PHF24: variants seen among roughly 807,000 people sequenced by gnomAD.
PHF24 encodes Galpha inhibitory interacting protein.
Under a neutral mutation model 42.6 loss-of-function variants are expected in PHF24, and 25 were observed. That is an observed-to-expected ratio of 0.59 (90% CI 0.43 to 0.82). The LOEUF (loss-of-function observed/expected upper bound fraction) is 0.82, where lower values mean the gene tolerates loss of function less well. Among genes scored for constraint, PHF24 ranks in the 40% least tolerant of loss-of-function variants. PHF24 has a pLI of 0.00. For synonymous variants in PHF24, 185 were observed against 204.8 expected (o/e 0.90, Z 0.83); for missense variants, 470 against 538.1 (o/e 0.87, Z 1.25).
At chr9:34,708,052 C>G in the PHF24 span, among the ~76,000 whole-genome samples, 2 of 152,102 alleles carry the variant, frequency 1.3e-5, no homozygotes, top group Admixed American at 1.3e-4. Context: ...CCTTTCTTGC[C>G]CTTCCCCAGG....
Position 34,966,913 on chromosome 9 carries a change from A to AT in PHF24, c.-4-4373dup, listed in dbSNP as rs1021524246. Among the ~76,000 whole-genome samples the AT allele has an allele frequency of 2.2e-3, 332 of 150,862 alleles. 2 individuals carry two copies. The highest frequency in any genetic ancestry group is 6.7e-3 in the African/African-American group (276 of 41,138). On this transcript the variant is annotated intron_variant, in intron 1 of 7. Coordinates refer to ENST00000242315, the Ensembl canonical transcript of PHF24. ...TGTAAAAAGAATGCTCCAATCAATC[A>AT]TTTTTTTTTAATGTGATGAGGTATT...
At chr9:34,814,425 A>G in the PHF24 span, among the ~76,000 whole-genome samples, 1 of 152,200 alleles carries the variant, frequency 6.6e-6, no homozygotes, top group Admixed American at 6.5e-5. Context: ...GGTTAAGGTA[A>G]TGTCTACTCA....
the PHF24 span, among the ~76,000 whole-genome samples, chr9:34,692,908 T>G: frequency 1.3e-5 from 2 of 149,072 alleles, no homozygotes; most frequent in Non-Finnish European, 3.0e-5. Flanking sequence ...TGCCTCAGCC[T>G]CCTGAGTAGC....
intron 1 of PHF24, among the ~76,000 whole-genome samples, chr9:34,960,500 G>T (rs1161920362): frequency 2.0e-5 from 3 of 152,248 alleles, no homozygotes; most frequent in East Asian, 3.9e-4. Flanking sequence ...CCCCCTTTCA[G>T]TTCAAACCCA....
chr9:34,834,053 G>A, the PHF24 span: 5 of 1,548,832 alleles, frequency 3.2e-6, no homozygotes, highest in Non-Finnish European at 3.5e-6. Flanking sequence ...ACCTGGTAAG[G>A]CCTGTTGCTG....
chr9:34,834,832 G>C, the PHF24 span: 1 of 1,537,448 alleles, frequency 6.5e-7, no homozygotes, highest in Non-Finnish European at 8.7e-7. Flanking sequence ...GTGGGGAAGA[G>C]GGTGGGGCTG....
At chr9:34,958,255 G>GCCGCCGCCGCCGCCGCCGCCGCCGCCT (rs772771562), upstream of PHF24, 3 of 152,808 alleles carry the variant, frequency 2.0e-5, no homozygotes, top group Admixed American at 1.4e-4. The surrounding 1 kb of genome is among the most constrained non-coding windows in gnomAD (Gnocchi z 4.5). Flanking sequence ...CGCCGCCGCC[G>GCCGCCGCCGCCGCCGCCGCCGCCGCCT]CCTCCTCAGC....
the PHF24 span, among the ~76,000 whole-genome samples, chr9:34,907,711 C>T: frequency 6.6e-6 from 1 of 152,176 alleles, no homozygotes; most frequent in African/African-American, 2.4e-5. Flanking sequence ...TCCAGTCTTT[C>T]ATCCAATTTA....
the PHF24 span, among the ~76,000 whole-genome samples, chr9:34,801,030 A>T: frequency 6.6e-6 from 1 of 152,262 alleles, no homozygotes; most frequent in Non-Finnish European, 1.5e-5. Flanking sequence ...TCAAAAGAAG[A>T]CATTTATGCA....
At chr9:34,833,247 G>A in the PHF24 span, 12 of 1,550,234 alleles carry the variant, frequency 7.7e-6, no homozygotes, top group Non-Finnish European at 1.0e-5. Flanking sequence ...TCCAGGCTGG[G>A]GTTGTTCACA....
rs572064295 is a variant in PHF24, at chr9:34,967,391, C to T, written c.-4-3904C>T. ...ATGTAGTAAAAGTATGATTGTTCCA[C>T]AAAATTTTGACTTCAGTTGCAGATC... On this transcript the variant is annotated intron_variant, in intron 1 of 7. Transcript: ENST00000242315. Among the ~76,000 whole-genome samples the T allele has an allele frequency of 1.2e-4, 19 of 152,226 alleles. No homozygotes were observed. In the East Asian group the frequency reaches 3.7e-3, roughly 29 times the overall value.
the PHF24 span, among the ~76,000 whole-genome samples, chr9:34,872,504 A>G: frequency 4.0e-5 from 6 of 150,394 alleles, no homozygotes; most frequent in Admixed American, 6.6e-5. Context: ...ATGATTCCCA[A>G]TTTCACCCAT....
the PHF24 span, among the ~76,000 whole-genome samples, chr9:34,930,131 G>A: frequency 6.6e-6 from 1 of 152,166 alleles, no homozygotes; most frequent in Non-Finnish European, 1.5e-5. Flanking sequence ...TCCCTAAAAT[G>A]TCTGGGGCTT....
chr9:34,775,376 G>C, the PHF24 span, among the ~76,000 whole-genome samples: 1 of 152,120 alleles, frequency 6.6e-6, no homozygotes, highest in African/African-American at 2.4e-5. Flanking sequence ...TGTTAGCAGG[G>C]ACTGGAAAAA....
chr9:34,686,866 T>C, the PHF24 span, among the ~76,000 whole-genome samples: 1 of 151,994 alleles, frequency 6.6e-6, no homozygotes, highest in African/African-American at 2.4e-5. Context: ...TCTGGATAAA[T>C]GAAAATGCAA....
intron 1 of PHF24, among the ~76,000 whole-genome samples, chr9:34,965,864 C>T (rs1221315139): frequency 6.6e-6 from 1 of 152,158 alleles, no homozygotes; most frequent in Non-Finnish European, 1.5e-5. Context: ...TCTAATGAAT[C>T]GTTCTTGAAA....
chr9:34,832,366 C>G, the PHF24 span: 2 of 850,580 alleles, frequency 2.4e-6, no homozygotes, highest in Admixed American at 2.2e-5. Context: ...TGGGGGTGGC[C>G]TGGGGTTGAG....
the PHF24 span, chr9:34,895,830 A>T: frequency 2.5e-5 from 10 of 397,436 alleles, no homozygotes; most frequent in African/African-American, 2.1e-4. Context: ...GAGGGATCCA[A>T]ATCACCAGAC....
the PHF24 span, among the ~76,000 whole-genome samples, chr9:34,880,032 TG>T: frequency 1.6e-4 from 24 of 151,876 alleles, no homozygotes; most frequent in Non-Finnish European, 3.2e-4. Context: ...CAGAAGAGAG[TG>T]GGGGCCAATA....
Sources: allele counts gnomAD v4.1 joint callset (sites outside exome capture counted in the v4.1 genomes callset), GRCh38; gene constraint gnomAD v4.1.1; non-coding constraint Gnocchi (gnomAD v3.1); transcripts MANE v1.5; gene names NCBI Gene and HGNC (gene_info 2026-07-23, HGNC 2026-07-21).